Variants in GPHN observed in about 807,000 individuals in gnomAD.
The protein encoded by GPHN is gephyrin.
GPHN carries 17 observed loss-of-function variants against 95.5 expected under a neutral mutation model. The ratio of observed to expected loss-of-function variants is 0.18; its 90% CI spans 0.12 to 0.27. The LOEUF (loss-of-function observed/expected upper bound fraction) is 0.27. Among genes scored for constraint, GPHN ranks in the 10% least tolerant of loss-of-function variants. The pLI is 1.00. For synonymous variants in GPHN, 320 were observed against 322.5 expected, an observed-to-expected ratio of 0.99 and a Z score of 0.08; for missense variants, 660 against 978.1, an observed-to-expected ratio of 0.67 and a Z score of 4.34.
At chr14:66,988,495 A>G (rs1209604520) in intron 9 of GPHN, among the ~76,000 whole-genome samples, 1 of 152,094 alleles carries the variant, frequency 6.6e-6, no homozygotes, top group Non-Finnish European at 1.5e-5. Flanking sequence ...TGGCAAGTAG[A>G]CACATTTGTT....
chr14:66,862,347 A>G (rs962229782), intron 4 of GPHN, among the ~76,000 whole-genome samples: 3 of 152,064 alleles, frequency 2.0e-5, no homozygotes, highest in Non-Finnish European at 4.4e-5. Context: ...GCTGTAAAAA[A>G]AAGTATCCCA....
the GPHN span, among the ~76,000 whole-genome samples, chr14:67,399,333 G>A: frequency 6.6e-6 from 1 of 151,198 alleles, no homozygotes; most frequent in Admixed American, 6.6e-5. Context: ...TCAGGTGGCA[G>A]GAATAAAGAG....
intron 10 of GPHN, among the ~76,000 whole-genome samples, chr14:67,026,221 A>G (rs922574657): frequency 7.2e-5 from 11 of 152,314 alleles, no homozygotes; most frequent in African/African-American, 2.6e-4. Flanking sequence ...TAAAGAATAA[A>G]ATAAATAAAT....
chr14:67,552,494 G>T, the GPHN span, among the ~76,000 whole-genome samples: 1 of 152,236 alleles, frequency 6.6e-6, no homozygotes, highest in African/African-American at 2.4e-5. Context: ...CTGGCTGGGT[G>T]CGGTGGCTCA....
intron 3 of GPHN, among the ~76,000 whole-genome samples, chr14:66,815,021 A>G (rs563089412): frequency 1.3e-5 from 2 of 152,340 alleles, no homozygotes; most frequent in African/African-American, 2.4e-5. Flanking sequence ...ATGCAATCAC[A>G]ATTATTAATA....
the GPHN span, among the ~76,000 whole-genome samples, chr14:67,599,729 C>A: frequency 0.99 from 150,665 of 152,304 alleles, 74,540 homozygotes; most frequent in Middle Eastern, 1. Context: ...GAACACATGG[C>A]AGTTAAAGTT....
intron 1 of GPHN, among the ~76,000 whole-genome samples, chr14:66,616,967 A>T (rs561456061): frequency 6.6e-6 from 1 of 152,234 alleles, no homozygotes; most frequent in African/African-American, 2.4e-5. Flanking sequence ...CGGCCTCCCA[A>T]AGTGCTGGGA....
At chr14:67,302,220 G>A in the GPHN span, 2 of 1,298,642 alleles carry the variant, frequency 1.5e-6, no homozygotes, top group Non-Finnish European at 2.0e-6. Flanking sequence ...GAGTATTTCT[G>A]AAGCAGAAAG....
chr14:67,651,602 C>T, the GPHN span: 1 of 1,101,394 alleles, frequency 9.1e-7, no homozygotes, highest in East Asian at 2.7e-5. Context: ...GATCACACAG[C>T]CACTTAGCAG....
chr14:66,998,547 A>G (rs1449690861), intron 9 of GPHN, among the ~76,000 whole-genome samples: 1 of 152,140 alleles, frequency 6.6e-6, no homozygotes, highest in Non-Finnish European at 1.5e-5. Context: ...ACCTCTTGAC[A>G]GGATCATTGG....
chr14:67,359,776 G>A, the GPHN span: 1 of 1,542,492 alleles, frequency 6.5e-7, no homozygotes, highest in African/African-American at 1.4e-5. Context: ...CCTCCACAGT[G>A]TCTTCCTCTA....
At chr14:67,667,081 G>A in the GPHN span, among the ~76,000 whole-genome samples, 3 of 152,162 alleles carry the variant, frequency 2.0e-5, no homozygotes, top group African/African-American at 7.2e-5. Context: ...AGTCACATGT[G>A]AGGGACTCTC....
At chr14:67,586,999 A>G in the GPHN span, 4 of 1,524,192 alleles carry the variant, frequency 2.6e-6, no homozygotes, top group Non-Finnish European at 3.6e-6. Context: ...ACTCAGCATA[A>G]GAGCTAATAA....
At chr14:67,325,130 C>T in the GPHN span, among the ~76,000 whole-genome samples, 1 of 152,018 alleles carries the variant, frequency 6.6e-6, no homozygotes. Flanking sequence ...TGGTCTTGAT[C>T]TCCTGACCTT....
chr14:67,557,473 G>C, the GPHN span: 4 of 1,553,998 alleles, frequency 2.6e-6, no homozygotes, highest in Middle Eastern at 2.3e-4. Context: ...TGTACTGCTG[G>C]CCCCCAGCTT....
chr14:67,494,999 G>A, the GPHN span, among the ~76,000 whole-genome samples: 2 of 152,160 alleles, frequency 1.3e-5, no homozygotes, highest in African/African-American at 2.4e-5. Flanking sequence ...TTAATCACAG[G>A]TGAATCTGGG....
chr14:66,793,087 CGTGGGCCTTACA>C (rs1397776233), intron 3 of GPHN, among the ~76,000 whole-genome samples: 7 of 152,354 alleles, frequency 4.6e-5, no homozygotes, highest in African/African-American at 1.4e-4. Context: ...AACCTTCCGG[CGTGGGCCTTACA>C]GCCATCATGA....
chr14:67,584,091 GC>G, the GPHN span: 4 of 1,613,912 alleles, frequency 2.5e-6, no homozygotes, highest in South Asian at 4.4e-5. Context: ...CCAGGAAATG[GC>G]CTTTCTTTGG....
At chr14:67,619,790 C>A in the GPHN span, 2 of 544,592 alleles carry the variant, frequency 3.7e-6, no homozygotes, top group Non-Finnish European at 6.5e-6. Context: ...GAGCGGTGGG[C>A]GGGGCCTGCG....
Sources: gnomAD v4.1 joint callset for allele counts (sites outside exome capture counted in the v4.1 genomes callset) on GRCh38, gnomAD v4.1.1 for gene constraint, MANE v1.5 for transcripts, NCBI Gene and HGNC (gene_info 2026-07-23, HGNC 2026-07-21) for gene names.